TASOR: variants seen among roughly 807,000 people sequenced by gnomAD.
The protein encoded by TASOR is transcription activation suppressor.
TASOR carries 53 observed loss-of-function variants against 178.6 expected under a neutral mutation model. The observed-to-expected ratio is 0.30, with a 90% CI of 0.24 to 0.37. TASOR has a LOEUF of 0.37. Among genes scored for constraint, TASOR ranks in the 10% least tolerant of loss-of-function variants. The pLI, the probability that TASOR is intolerant of heterozygous loss-of-function variation, is 1.00. For missense variants in TASOR, 1,815 were observed against 1,971.4 expected (o/e 0.92, Z 1.50); for synonymous variants, 713 against 696.2 (o/e 1.02, Z -0.38).
chr3:56,673,748 TA>T, intron 1 of TASOR, 23 bp from the exon 2 acceptor site: 1 of 1,531,112 alleles, frequency 6.5e-7, no homozygotes. Flanking sequence ...AACAAACATT[TA>T]AAATGTTTAA....
At chr3:56,662,546 A>C in intron 8 of TASOR, 56 bp from the exon 9 acceptor site, 1 of 794,574 alleles carries the variant, frequency 1.3e-6, no homozygotes, top group South Asian at 1.9e-5. Context: ...CAGAGAAGTG[A>C]GTGCACATTT....
At chr3:56,627,948 C>T (rs543911605) in intron 19 of TASOR, among the ~76,000 whole-genome samples, 10 of 152,128 alleles carry the variant, frequency 6.6e-5, no homozygotes, top group Admixed American at 5.2e-4. Context: ...CTACCACAGA[C>T]GACTAAGGAA....
At chr3:56,635,941 TCC>T (rs767476428) in intron 17 of TASOR, among the ~76,000 whole-genome samples, 1 of 152,308 alleles carries the variant, frequency 6.6e-6, no homozygotes, top group East Asian at 1.9e-4. Context: ...ACCAAATAGA[TCC>T]CTTTATAAAA....
In TASOR at chr3:56,649,141, GT is replaced by G. The variant is rs1370216457; in HGVS notation, c.1369-85del. ...AGACACACAGCATTTTCTACTAATTGTAAAGAAAAAAAGTTCTTAATCATCT... is the reference window on the plus strand; with the variant it reads ...AGACACACAGCATTTTCTACTAATTGAAAGAAAAAAAGTTCTTAATCATCT... On this transcript the variant is annotated intron_variant, in intron 11 of 23. Transcript: ENST00000683822. The G allele has an allele frequency of 4.0e-6, 4 of 1,001,910 alleles. No individual in the cohort carries two copies. In the African/African-American group the frequency reaches 6.7e-5, roughly 17 times the overall value. The allele number at this position is 1,001,910 out of a possible 1,614,324, so 62.1% of individuals were successfully genotyped here. A position where few individuals can be genotyped will look rare whatever the true frequency, so the allele number is the denominator to read the frequency against.
chr3:56,665,350 T>G (rs1017167033), intron 7 of TASOR, among the ~76,000 whole-genome samples: 4 of 152,016 alleles, frequency 2.6e-5, no homozygotes, highest in Admixed American at 6.6e-5. Context: ...ATCTCACTTT[T>G]TTGTTGTTGT....
chr3:56,650,542 T>G (rs1030249733), intron 11 of TASOR, among the ~76,000 whole-genome samples: 1 of 152,210 alleles, frequency 6.6e-6, no homozygotes, highest in Non-Finnish European at 1.5e-5. Context: ...ATTCTAAACT[T>G]TGGGGAATCT....
At chr3:56,655,595 T>C (rs886191183) in intron 11 of TASOR, among the ~76,000 whole-genome samples, 10 of 152,048 alleles carry the variant, frequency 6.6e-5, no homozygotes, top group African/African-American at 2.4e-4. Flanking sequence ...AGTAAGACCC[T>C]ATTCTCTATT....
At chr3:56,630,153 G>A (rs753878346) in intron 18 of TASOR, among the ~76,000 whole-genome samples, 12 of 151,980 alleles carry the variant, frequency 7.9e-5, no homozygotes, top group Non-Finnish European at 1.5e-4. Context: ...TTTTAGTAGA[G>A]ACGGGGTTTC....
Position 56,623,171 on chromosome 3 carries a change from A to G in TASOR, c.4879T>C (p.Ser1627Pro). 1 of 1,613,852 alleles carries G rather than the reference A, an allele frequency of 6.2e-7. No homozygotes were observed. ...TCATTTTCTTGAGACTGACTTGATG[A>G]AAGGGCATATGGTGTCCCCAAAAAT... ...QTFLGTPYAL[S>P]SSQSQENENY... Residue 1627 changes from serine to proline, a missense_variant, in exon 24 of 24, where the codon TCA becomes CCA. Ser to Pro is a moderately conservative substitution (Grantham distance 74, BLOSUM62 -1). Around this residue, in one of 5 missense-constraint regions of TASOR, gnomAD observed 278 missense variants for 257.1 expected, o/e 1.08. Transcript: ENST00000683822.
chr3:56,633,433 C>T lies in TASOR; in HGVS notation c.3358G>A (p.Val1120Ile). 1.9e-6 allele frequency: 3 copies of T among 1,614,066 alleles called. No individual in the cohort carries two copies. Among genetic ancestry groups the T allele is most frequent in the Non-Finnish European group, 2.5e-6 (3 of 1,179,960 alleles). Residue 1120 changes from valine to isoleucine, a missense_variant, in exon 18 of 24, where the codon GTC (valine) becomes ATC (isoleucine). Transcript: ENST00000683822. ...KIASNPLERH[V>I]IPVSSSDFNN... ...AAGTCACTTGAGGAAACTGGTATGA[C>T]ATGCCTTTCCAGAGGATTCGATGCT...
intron 17 of TASOR, 45 bp from the exon 18 acceptor site, chr3:56,634,011 A>G: frequency 2.8e-6 from 4 of 1,431,296 alleles, no homozygotes; most frequent in Non-Finnish European, 3.7e-6. Flanking sequence ...CCAAAAAGAT[A>G]AGATATGAAA....
At chr3:56,627,258 A>G (rs2076819130) in intron 20 of TASOR, 113 bp from the exon 21 acceptor site, 3 of 669,844 alleles carry the variant, frequency 4.5e-6, no homozygotes, top group East Asian at 2.7e-5. Flanking sequence ...CCTATGTACT[A>G]TTTTCATTTC....
In TASOR at chr3:56,658,821, C is replaced by T. The variant is rs557159072; in HGVS notation, c.1368+1910G>A. Among the ~76,000 whole-genome samples, 4 of 151,966 alleles carry T rather than the reference C, an allele frequency of 2.6e-5. No homozygotes were observed. In the South Asian group the frequency reaches 6.2e-4, roughly 24 times the overall value. ...ACTCGAGAAGCTGAGGCAGGAGAAT[C>T]GCTTGAACCCGGAAGGTTGAACCCG... On this transcript the variant is annotated intron_variant, in intron 11 of 23. Transcript: ENST00000683822.
Position 56,633,295 on chromosome 3 carries a change from G to A in TASOR, c.3496C>T (p.His1166Tyr). 6.2e-7 allele frequency: 1 copy of A among 1,614,170 alleles called. No homozygotes were observed. Among genetic ancestry groups the A allele is most frequent in the Non-Finnish European group, 8.5e-7 (1 of 1,180,022 alleles). Residue 1166 changes from histidine (H) to tyrosine (Y), a missense_variant, in exon 18 of 24, where the codon CAT becomes TAT. Coordinates refer to ENST00000683822, the MANE Select transcript of TASOR (RefSeq NM_001365635.2). ...GAAGTCACCATTAACTCTGTGGCATGTTGAGGCTGGTTCATTTCTACTTCA... is the reference window on the plus strand; with the variant it reads ...GAAGTCACCATTAACTCTGTGGCATATTGAGGCTGGTTCATTTCTACTTCA... ...LTEVEMNQPQ[H>Y]ATELMVTSDH...
At chr3:56,662,594 T>C in intron 8 of TASOR, 104 bp from the exon 9 acceptor site, 1 of 539,992 alleles carries the variant, frequency 1.9e-6, no homozygotes, top group Non-Finnish European at 3.3e-6. Context: ...AAACAAGGTT[T>C]AAGTAGGAGG....
At chr3:56,628,396 A>T in intron 19 of TASOR, 96 bp downstream of exon 19, 2 of 1,186,036 alleles carry the variant, frequency 1.7e-6, no homozygotes, top group Non-Finnish European at 2.4e-6. Context: ...AATCTCCTTT[A>T]AAGCTTATTT....
Position 56,683,067 on chromosome 3 carries a change from A to C in TASOR, c.-61T>G. The C allele has an allele frequency of 1.4e-6, 2 of 1,407,972 alleles. No individual in the cohort carries two copies. Among genetic ancestry groups the C allele is most frequent in the South Asian group, 2.9e-5 (2 of 69,096 alleles). 87.2% of individuals were successfully genotyped at this position (1,407,972 alleles called of 1,614,324 possible). On this transcript the variant is annotated 5_prime_UTR_variant, in exon 1 of 24. Coordinates refer to ENST00000683822, the MANE Select transcript of TASOR (RefSeq NM_001365635.2). ...CACAAGGTCGACGGGTGTGGGGGGA[A>C]GGGGCGGCGGGCCAGTCTCGCCGCC... is the stretch of plus-strand genomic sequence containing the variant.
At chr3:56,642,744 G>A (rs147979663) in intron 14 of TASOR, among the ~76,000 whole-genome samples, 2,478 of 152,168 alleles carry the variant, frequency 0.016, 73 homozygotes, top group African/African-American at 0.057. Flanking sequence ...GCAGGCTGAG[G>A]TGGGCAGATC....
intron 1 of TASOR, 38 bp from the exon 2 acceptor site, chr3:56,673,763 T>C (rs2107635073): frequency 6.7e-7 from 1 of 1,485,480 alleles, no homozygotes. Context: ...TGTTTAACAT[T>C]ACTCCATCTT....
Sources: allele counts gnomAD v4.1 joint callset (sites outside exome capture counted in the v4.1 genomes callset), GRCh38; gene constraint gnomAD v4.1.1; regional missense constraint gnomAD v4.1.1; transcripts MANE v1.5; gene names NCBI Gene and HGNC (gene_info 2026-07-23, HGNC 2026-07-21).